UBASH3B: variants seen among roughly 807,000 people sequenced by gnomAD.
The protein encoded by UBASH3B is ubiquitin associated and SH3 domain containing B.
In UBASH3B, 37 loss-of-function variants were observed where a neutral mutation model predicts 83.4. The observed-to-expected ratio is 0.44, with a 90% CI of 0.34 to 0.58. The LOEUF (loss-of-function observed/expected upper bound fraction) is 0.58, where lower values mean the gene tolerates loss of function less well. UBASH3B is among the 20% of genes least tolerant of loss of function. The pLI is 0.01. For synonymous variants in UBASH3B, 304 were observed against 318.3 expected, an observed-to-expected ratio of 0.96 and a Z score of 0.48; for missense variants, 657 against 827.2, an observed-to-expected ratio of 0.79 and a Z score of 2.52.
intron 1 of UBASH3B, among the ~76,000 whole-genome samples, chr11:122,710,978 C>T (rs1295420878): frequency 6.6e-6 from 1 of 152,124 alleles, no homozygotes; most frequent in Non-Finnish European, 1.5e-5. Flanking sequence ...ATAGAGGAAA[C>T]ATTGGTCTTG....
At chr11:122,665,564 A>G (rs551828214) in intron 1 of UBASH3B, among the ~76,000 whole-genome samples, 1 of 152,188 alleles carries the variant, frequency 6.6e-6, no homozygotes, top group East Asian at 1.9e-4. Flanking sequence ...GTTCCAGAGC[A>G]TTTGGCTTTT....
At chr11:122,700,934 A>G (rs1213161120) in intron 1 of UBASH3B, among the ~76,000 whole-genome samples, 1 of 152,210 alleles carries the variant, frequency 6.6e-6, no homozygotes, top group Non-Finnish European at 1.5e-5. Context: ...GAGCACTGGG[A>G]AGCCTGTGTT....
intron 2 of UBASH3B, 89 bp from the exon 3 acceptor site, chr11:122,776,935 G>A (rs1860745721): frequency 7.9e-7 from 1 of 1,262,328 alleles, no homozygotes; most frequent in Non-Finnish European, 1.1e-6. Flanking sequence ...GGGATTTGGA[G>A]CACATGGAGG....
rs10892894 is a variant in UBASH3B, at chr11:122,759,581, C to T, written c.162-16638C>T. On this transcript the variant is annotated intron_variant, in intron 1 of 13. Coordinates refer to ENST00000284273, the MANE Select transcript of UBASH3B (RefSeq NM_032873.5). This position sits in a 1 kb window ranked among gnomAD's most constrained non-coding sequence, Gnocchi z 4.1. ...CTAGGTGGGACCGTCTAGTTGGAGA[C>T]CCCTGACTTAGTTGGGACCATCTGT... Among the ~76,000 whole-genome samples the T allele has an allele frequency of 0.32, 49,066 of 152,088 alleles. 8,690 individuals carry two copies. Among genetic ancestry groups the T allele is most frequent in the Non-Finnish European group, 0.4 (26,984 of 67,978 alleles).
At chr11:122,801,679 G>A (rs1591331061) in intron 11 of UBASH3B, among the ~76,000 whole-genome samples, 1 of 152,170 alleles carries the variant, frequency 6.6e-6, no homozygotes, top group Admixed American at 6.5e-5. Flanking sequence ...AGATGATGAT[G>A]TCTTGTCTTA....
chr11:122,718,324 C>G (rs2135941791), intron 1 of UBASH3B, among the ~76,000 whole-genome samples: 1 of 152,316 alleles, frequency 6.6e-6, no homozygotes, highest in African/African-American at 2.4e-5. Flanking sequence ...TCTAAAACTA[C>G]TTAACATAGA....
chr11:122,765,022 A>T (rs911502226), intron 1 of UBASH3B, among the ~76,000 whole-genome samples: 1 of 152,176 alleles, frequency 6.6e-6, no homozygotes, highest in Non-Finnish European at 1.5e-5. Flanking sequence ...TAGAAAAAAA[A>T]AAATGTAGGG....
intron 1 of UBASH3B, among the ~76,000 whole-genome samples, chr11:122,672,780 G>T (rs943132559): frequency 1.3e-5 from 2 of 152,178 alleles, no homozygotes; most frequent in Non-Finnish European, 2.9e-5. Context: ...GCACAGCAGA[G>T]CTTCCTGGTT....
At chr11:122,739,618 T>G (rs2156804) in intron 1 of UBASH3B, among the ~76,000 whole-genome samples, 95,026 of 152,064 alleles carry the variant, frequency 0.62, 31,122 homozygotes, top group African/African-American at 0.84. Context: ...ACATAAATTT[T>G]CTTCCTAACT....
intron 5 of UBASH3B, among the ~76,000 whole-genome samples, chr11:122,784,705 C>T (rs980486733): frequency 1.3e-5 from 2 of 152,182 alleles, no homozygotes; most frequent in African/African-American, 4.8e-5. Context: ...TGGGAGCAGG[C>T]AAGCTCATTG....
chr11:122,691,465 G>A (rs1206414328), intron 1 of UBASH3B, among the ~76,000 whole-genome samples: 2 of 152,182 alleles, frequency 1.3e-5, no homozygotes, highest in East Asian at 1.9e-4. Flanking sequence ...TGTGAGTGAA[G>A]AAAGAGCAGC....
intron 4 of UBASH3B, 122 bp downstream of exon 4, chr11:122,779,817 A>C: frequency 8.4e-7 from 1 of 1,189,958 alleles, no homozygotes; most frequent in Non-Finnish European, 1.2e-6. Context: ...CCCTGCAGGA[A>C]TGGACGTGTG....
intron 1 of UBASH3B, among the ~76,000 whole-genome samples, chr11:122,768,995 T>G (rs1205975357): frequency 6.6e-6 from 1 of 152,176 alleles, no homozygotes; most frequent in Non-Finnish European, 1.5e-5. Flanking sequence ...TTTCTAACAA[T>G]ACCAGCTTCA....
intron 1 of UBASH3B, among the ~76,000 whole-genome samples, chr11:122,659,930 G>A (rs1201330540): frequency 6.6e-6 from 1 of 152,176 alleles, no homozygotes; most frequent in East Asian, 1.9e-4. Context: ...GGCAGAGAGG[G>A]TTGAGGCCAG....
chr11:122,667,606 G>A (rs1328456271), intron 1 of UBASH3B, among the ~76,000 whole-genome samples: 1 of 152,126 alleles, frequency 6.6e-6, no homozygotes, highest in Non-Finnish European at 1.5e-5. Flanking sequence ...GGGAGCACAC[G>A]ATTACATCTG....
chr11:122,682,215 A>G (rs754126465), intron 1 of UBASH3B, among the ~76,000 whole-genome samples: 1 of 152,288 alleles, frequency 6.6e-6, no homozygotes, highest in East Asian at 1.9e-4. Context: ...TAATTATAAT[A>G]GTTTTCATTT....
intron 1 of UBASH3B, among the ~76,000 whole-genome samples, chr11:122,729,241 C>G (rs921185482): frequency 2.6e-5 from 4 of 152,298 alleles, no homozygotes; most frequent in East Asian, 3.9e-4. Context: ...AGACTTATTT[C>G]TCCAGAGGCC....
chr11:122,685,320 C>G (rs903069152), intron 1 of UBASH3B, among the ~76,000 whole-genome samples: 1 of 152,202 alleles, frequency 6.6e-6, no homozygotes, highest in African/African-American at 2.4e-5. Context: ...GATTCTCCTG[C>G]CTGGAAGAGT....
At chr11:122,725,383 G>A (rs561798962) in intron 1 of UBASH3B, among the ~76,000 whole-genome samples, 3 of 149,024 alleles carry the variant, frequency 2.0e-5, no homozygotes, top group South Asian at 2.1e-4. Flanking sequence ...TGAGTACCTC[G>A]CCCTTGTTAA....
Sources: gnomAD v4.1 joint callset for allele counts (sites outside exome capture counted in the v4.1 genomes callset) on GRCh38, gnomAD v4.1.1 for gene constraint, Gnocchi (gnomAD v3.1) non-coding constraint, MANE v1.5 for transcripts, NCBI Gene and HGNC (gene_info 2026-07-23, HGNC 2026-07-21) for gene names.